The following BCCIP variants were observed in gnomAD, a reference collection of about 807,000 sequenced individuals.
The protein encoded by BCCIP is BRCA2 and CDKN1A-interacting protein.
Under a neutral mutation model 32.8 loss-of-function variants are expected in BCCIP, and 23 were observed. The observed-to-expected ratio is 0.70, with a 90% CI of 0.51 to 0.99. The LOEUF is 0.99. Among genes scored for constraint, BCCIP ranks in the 50% least tolerant of loss-of-function variants. The pLI, the probability that BCCIP is intolerant of heterozygous loss-of-function variation, is 0.00. For synonymous variants in BCCIP, 144 were observed against 137.6 expected (o/e 1.05, Z -0.33); for missense variants, 378 against 379.8 (o/e 1.00, Z 0.04).
In BCCIP at chr10:125,830,548, T is replaced by C. The variant is rs947668197; in HGVS notation, c.322-14T>C. The C allele has an allele frequency of 3.3e-6, 5 of 1,532,580 alleles. No individual in the cohort carries two copies. In the East Asian group the frequency reaches 1.1e-4, roughly 35 times the overall value. The allele number at this position is 1,532,580 out of a possible 1,614,324, so 94.9% of individuals were successfully genotyped here. On this transcript the variant is annotated splice_polypyrimidine_tract_variant and intron_variant, in intron 3 of 6. Coordinates refer to ENST00000278100, the MANE Select transcript of BCCIP (RefSeq NM_078468.3). ...ACTAAATATAACATTTAAATATTTT[T>C]TCTTTTAAAATAGCAAACGGATGTT... is the stretch of plus-strand genomic sequence containing the variant.
Position 125,827,566 on chromosome 10 carries a change from A to C in BCCIP, c.249A>C (p.Leu83=). 1 of 1,606,222 alleles carries C rather than the reference A, an allele frequency of 6.2e-7. No individual in the cohort carries two copies. The highest frequency in any genetic ancestry group is 8.5e-7 in the Non-Finnish European group (1 of 1,175,532). Residue 83 remains leucine (L), a synonymous_variant, in exon 3 of 7, where the codon CTA becomes CTC. Transcript: ENST00000278100. The part of the protein sequence containing the change: ...GIKKLLQQLF[L]KAPVNTAELT... Reference sequence around the variant, plus strand: ...TTTTTTCCTCCTTTTAGCTTTTTCTAAAGGCTCCTGTGAACACTGCAGAAC... The same window carrying C: ...TTTTTTCCTCCTTTTAGCTTTTTCTCAAGGCTCCTGTGAACACTGCAGAAC...
chr10:125,848,939 CA>C (rs1209372577), intron 7 of BCCIP, among the ~76,000 whole-genome samples: 1 of 152,146 alleles, frequency 6.6e-6, no homozygotes, highest in Non-Finnish European at 1.5e-5. Flanking sequence ...AATAATACCC[CA>C]CTAGCAAATG....
At chr10:125,825,688 T>G (rs1854374253) in intron 1 of BCCIP, 1 of 152,242 alleles carries the variant, frequency 6.6e-6, no homozygotes, top group Admixed American at 6.5e-5. Context: ...AAGACCTAAA[T>G]TCTGAAACCG....
chr10:125,835,284 T>C (rs1484646359), intron 6 of BCCIP, among the ~76,000 whole-genome samples: 1 of 151,026 alleles, frequency 6.6e-6, no homozygotes, highest in Non-Finnish European at 1.5e-5. Context: ...GTAAACATAA[T>C]TTTTAAAAAA....
intron 1 of BCCIP, 77 bp from the exon 2 acceptor site, chr10:125,826,514 T>C: frequency 6.3e-7 from 1 of 1,583,824 alleles, no homozygotes; most frequent in Non-Finnish European, 8.6e-7. Flanking sequence ...GATGGCAATC[T>C]TGGCAATGTT....
At position 125,831,419 on chromosome 10, in the gene BCCIP, G is replaced by C. The variant is rs750752017; in HGVS notation, c.412-1G>C. The C allele has an allele frequency of 6.2e-7, 1 of 1,611,812 alleles. No individual in the cohort carries two copies. Among genetic ancestry groups the C allele is most frequent in the Non-Finnish European group, 8.5e-7 (1 of 1,178,490 alleles). On this transcript the variant is annotated splice_acceptor_variant, in intron 4 of 6. Transcript: ENST00000278100. LOFTEE classifies it high-confidence loss of function. ...AAACAAGCTTTCTCTTTGCTTTCTA[G>C]GGTACCCAGTGTGTTGAACAAATTC...
downstream of BCCIP, among the ~76,000 whole-genome samples, chr10:125,844,089 A>G (rs1854949515): frequency 1.3e-5 from 2 of 152,234 alleles, no homozygotes; most frequent in East Asian, 1.9e-4. Flanking sequence ...TGGACTAACC[A>G]TGACCTTGAG....
downstream of BCCIP, chr10:125,841,506 C>A: frequency 1.4e-6 from 2 of 1,438,570 alleles, no homozygotes; most frequent in South Asian, 1.6e-5. Flanking sequence ...TGTTTTCATA[C>A]ATCTGATGTA....
intron 7 of BCCIP, among the ~76,000 whole-genome samples, chr10:125,848,300 G>A (rs1262518087): frequency 1.3e-5 from 2 of 152,180 alleles, no homozygotes; most frequent in Non-Finnish European, 2.9e-5. Flanking sequence ...ACAGGGACAT[G>A]TTCCCAAAAC....
intron 6 of BCCIP, among the ~76,000 whole-genome samples, chr10:125,835,114 C>A (rs933163608): frequency 1.3e-5 from 2 of 151,226 alleles, no homozygotes; most frequent in African/African-American, 4.9e-5. Context: ...GCCTGGGCGA[C>A]AGAGCGAGAC....
intron 1 of BCCIP, among the ~76,000 whole-genome samples, chr10:125,824,275 T>C (rs988683901): frequency 6.6e-6 from 1 of 152,240 alleles, no homozygotes; most frequent in Non-Finnish European, 1.5e-5. Flanking sequence ...TTTGGTTTCA[T>C]AGTCTCATAG....
At position 125,831,793 on chromosome 10, in the gene BCCIP, G is replaced by A; in HGVS notation, c.599+186G>A. The A allele has an allele frequency of 6.3e-6, 3 of 474,814 alleles. No individual in the cohort carries two copies. In the South Asian group the frequency reaches 1.7e-4, roughly 26 times the overall value. 29.4% of individuals were successfully genotyped at this position (474,814 alleles called of 1,614,324 possible). On this transcript the variant is annotated intron_variant, in intron 5 of 6. Coordinates refer to ENST00000278100, the MANE Select transcript of BCCIP (RefSeq NM_078468.3). ...CATTATTAACAACTGGCTTTTTGAA[G>A]AGTTTGTGACAATAATCATGAAATT...
intron 1 of BCCIP, 150 bp downstream of exon 1, chr10:125,823,872 G>C (rs895595362): frequency 8.4e-7 from 1 of 1,195,790 alleles, no homozygotes; most frequent in Non-Finnish European, 1.2e-6. Flanking sequence ...TTTCTCCTCG[G>C]TCTTTAACAC....
chr10:125,842,838 T>G, downstream of BCCIP: 2 of 913,046 alleles, frequency 2.2e-6, no homozygotes, highest in South Asian at 1.0e-4. Context: ...CTTTTAAGTT[T>G]ATGTAACATC....
intron 4 of BCCIP, among the ~76,000 whole-genome samples, 195 bp downstream of exon 4, chr10:125,830,846 A>G (rs986819033): frequency 2.6e-5 from 4 of 151,788 alleles, no homozygotes; most frequent in Admixed American, 6.6e-5. Context: ...AAAGTTGTTT[A>G]CTCCCTGTGG....
chr10:125,852,314 A>G, intron 7 of BCCIP: 1 of 1,614,200 alleles, frequency 6.2e-7, no homozygotes, highest in Non-Finnish European at 8.5e-7. Flanking sequence ...ATGAAGTCAC[A>G]GTGGCCTAGG....
chr10:125,845,270 G>A (rs555799863), downstream of BCCIP, among the ~76,000 whole-genome samples: 22 of 152,266 alleles, frequency 1.4e-4, no homozygotes, highest in East Asian at 3.7e-3. Flanking sequence ...GTCTACTCAG[G>A]TGCTCAGGAG....
exon 8 of BCCIP, chr10:125,853,133 C>A (rs375172899): frequency 6.2e-7 from 1 of 1,607,066 alleles, no homozygotes; most frequent in South Asian, 1.1e-5. Flanking sequence ...AGGTGGTTCA[C>A]GGGGGCAAGT....
At chr10:125,836,723 C>T (rs757734941), downstream of BCCIP, 24 of 1,614,136 alleles carry the variant, frequency 1.5e-5, no homozygotes, top group East Asian at 6.7e-5. Flanking sequence ...TTTCAGGGCA[C>T]GTCTCACACA....
Sources: gnomAD v4.1 joint callset for allele counts (sites outside exome capture counted in the v4.1 genomes callset) on GRCh38, gnomAD v4.1.1 for gene constraint, MANE v1.5 for transcripts, NCBI Gene and HGNC (gene_info 2026-07-23, HGNC 2026-07-21) for gene names.